The following THADA variants were observed in gnomAD, a reference collection of about 807,000 sequenced individuals.
The protein encoded by THADA is THADA armadillo repeat containing.
Under a neutral mutation model 219.8 loss-of-function variants are expected in THADA, and 213 were observed. The ratio of observed to expected loss-of-function variants is 0.97; its 90% CI spans 0.87 to 1.09. The LOEUF (loss-of-function observed/expected upper bound fraction) is 1.09. THADA is among the 50% of genes least tolerant of loss of function. The probability of loss-of-function intolerance (pLI) is 0.00; values close to 1 mark genes in which losing one functional copy is unlikely to be tolerated. For synonymous variants in THADA, 1,018 were observed against 828.9 expected, an observed-to-expected ratio of 1.23 and a Z score of -3.92; for missense variants, 2,956 against 2,311.3, an observed-to-expected ratio of 1.28 and a Z score of -5.72.
intron 29 of THADA, among the ~76,000 whole-genome samples, chr2:43,390,868 T>C (rs1022342103): frequency 8.5e-5 from 13 of 152,106 alleles, no homozygotes; most frequent in African/African-American, 3.1e-4. Context: ...TCAAATCCCA[T>C]TTTACCCACA....
At chr2:43,494,052 C>T (rs1017283735) in intron 25 of THADA, among the ~76,000 whole-genome samples, 1 of 152,168 alleles carries the variant, frequency 6.6e-6, no homozygotes, top group African/African-American at 2.4e-5. Flanking sequence ...CTGGTTCATC[C>T]AGCCACTTTC....
chr2:43,325,369 C>T (rs1446430054), intron 30 of THADA, among the ~76,000 whole-genome samples: 13 of 151,948 alleles, frequency 8.6e-5, no homozygotes, highest in African/African-American at 2.7e-4. Flanking sequence ...TAAGAGGCTA[C>T]TGAGAGCCAG....
rs141801800 is a variant in THADA at position 43,364,799 on chromosome 2, G to C, written c.4228-20562C>G. On this transcript the variant is annotated intron_variant, in intron 29 of 37. Transcript: ENST00000405975. ...TTAGAGGAAGGTCCATGGAGTTAGA[G>C]ATGAATGAAAGGAGGAAAGCAGCAT... is the stretch of plus-strand genomic sequence containing the variant. 8.0e-3 allele frequency among the ~76,000 whole-genome samples: 1,219 copies of C among 152,320 alleles called. 11 individuals carry two copies. Among genetic ancestry groups the C allele is most frequent in the Middle Eastern group, 0.02 (6 of 294 alleles).
intron 34 of THADA, among the ~76,000 whole-genome samples, chr2:43,287,962 C>T (rs1008214014): frequency 6.6e-6 from 1 of 152,176 alleles, no homozygotes; most frequent in Non-Finnish European, 1.5e-5. Flanking sequence ...ATGGTGGAAG[C>T]TGGAGCAAAC....
chr2:43,325,334 G>A (rs1679201743), intron 30 of THADA, among the ~76,000 whole-genome samples: 1 of 151,996 alleles, frequency 6.6e-6, no homozygotes, highest in Non-Finnish European at 1.5e-5. Flanking sequence ...TTTAACTGAG[G>A]CCTATTCATT....
intron 36 of THADA, among the ~76,000 whole-genome samples, chr2:43,250,802 G>A (rs1025616514): frequency 1.3e-5 from 2 of 152,170 alleles, no homozygotes; most frequent in Non-Finnish European, 2.9e-5. Flanking sequence ...GAGGACAATG[G>A]GTAATTCAAT....
At chr2:43,306,620 C>CT (rs1676894430) in intron 31 of THADA, among the ~76,000 whole-genome samples, 3 of 152,140 alleles carry the variant, frequency 2.0e-5, no homozygotes, top group Non-Finnish European at 1.5e-5. Context: ...TCTGTAGAGT[C>CT]TGAGACTGAA....
chr2:43,411,954 A>C (rs1179233833), intron 28 of THADA, among the ~76,000 whole-genome samples: 1 of 152,212 alleles, frequency 6.6e-6, no homozygotes, highest in South Asian at 2.1e-4. Context: ...ACATGTCAGT[A>C]AAGAATACTG....
chr2:43,259,107 G>A (rs1670661210), intron 36 of THADA, among the ~76,000 whole-genome samples: 1 of 152,168 alleles, frequency 6.6e-6, no homozygotes, highest in Non-Finnish European at 1.5e-5. Flanking sequence ...GTGACATGAT[G>A]GAGCCCATTT....
chr2:43,256,871 A>T (rs1231779513), intron 36 of THADA, among the ~76,000 whole-genome samples: 1 of 152,130 alleles, frequency 6.6e-6, no homozygotes, highest in East Asian at 1.9e-4. Flanking sequence ...GAGCCACTAC[A>T]CCTGGCCAAC....
At chr2:43,410,798 G>A (rs768977866) in intron 28 of THADA, among the ~76,000 whole-genome samples, 2 of 152,048 alleles carry the variant, frequency 1.3e-5, no homozygotes, top group Admixed American at 6.6e-5. Context: ...CAGTGATGAT[G>A]GTTTTATGGG....
In THADA at chr2:43,566,376, C is replaced by A. The variant is rs1224295577; in HGVS notation, c.2311+322G>T. The A allele has an allele frequency of 8.3e-6, 5 of 605,692 alleles. No homozygotes were observed. In the South Asian group the frequency reaches 8.8e-5, roughly 11 times the overall value. The allele number at this position is 605,692 out of a possible 1,614,324, so 37.5% of individuals were successfully genotyped here. A position where few individuals can be genotyped will look rare whatever the true frequency, so the allele number is the denominator to read the frequency against. ...GCTATTATTATTTCAAATTTTAAAA[C>A]TTAAAGAACAGATTGGATACTATCT... On this transcript the variant is annotated intron_variant, in intron 15 of 37. Coordinates refer to ENST00000405975, the MANE Select transcript of THADA (RefSeq NM_022065.5).
intron 23 of THADA, among the ~76,000 whole-genome samples, chr2:43,507,124 G>A (rs1016240287): frequency 9.2e-5 from 14 of 152,010 alleles, no homozygotes; most frequent in South Asian, 2.1e-4. Context: ...AGTAAGTCAC[G>A]CTAAGAGAAA....
Position 43,574,917 on chromosome 2 carries a change from T to C in THADA, c.1148A>G (p.Asn383Ser), listed in dbSNP as rs200284081. ...SSSPSLTDSLNGNSSIVGRLL... is the reference protein window; with the variant it reads ...SSSPSLTDSLSGNSSIVGRLL... The stretch of plus-strand genomic sequence containing the variant: ...TCTCCCAACTATACTTGAATTCCCA[T>C]TCAGGCTGTCCGTTAGGCTCGGGGA... Residue 383 changes from asparagine to serine, a missense_variant, in exon 11 of 38, where the codon AAT becomes AGT. Coordinates refer to ENST00000405975, the MANE Select transcript of THADA (RefSeq NM_022065.5). The C allele has an allele frequency of 8.1e-5, 130 of 1,614,026 alleles. No individual in the cohort carries two copies. In the African/African-American group the frequency reaches 1.5e-3, roughly 19 times the overall value.
At chr2:43,233,191 G>T in intron 36 of THADA, 1 of 300,310 alleles carries the variant, frequency 3.3e-6, no homozygotes. Context: ...TCACCAGAAG[G>T]ATCAGGAAGG....
intron 28 of THADA, among the ~76,000 whole-genome samples, chr2:43,426,424 C>T (rs1008160567): frequency 2.0e-5 from 3 of 152,202 alleles, no homozygotes; most frequent in African/African-American, 7.2e-5. Flanking sequence ...TGCCTTTCCT[C>T]CTTGCATCAA....
chr2:43,305,307 T>G (rs960632726), intron 31 of THADA, among the ~76,000 whole-genome samples: 1 of 152,144 alleles, frequency 6.6e-6, no homozygotes, highest in Non-Finnish European at 1.5e-5. Context: ...ACCCTCCCAG[T>G]AAACTGTAAT....
intron 22 of THADA, among the ~76,000 whole-genome samples, chr2:43,526,792 C>A (rs921917509): frequency 6.6e-6 from 1 of 152,248 alleles, no homozygotes. Context: ...TCTTTAATAA[C>A]AGGAACTTCA....
At chr2:43,523,015 T>C (rs938459987) in intron 22 of THADA, among the ~76,000 whole-genome samples, 1 of 152,024 alleles carries the variant, frequency 6.6e-6, no homozygotes, top group African/African-American at 2.4e-5. Flanking sequence ...ATAAAATTAA[T>C]AGGACACTCA....
Sources: gnomAD v4.1 joint callset for allele counts (sites outside exome capture counted in the v4.1 genomes callset) on GRCh38, gnomAD v4.1.1 for gene constraint, MANE v1.5 for transcripts, NCBI Gene and HGNC (gene_info 2026-07-23, HGNC 2026-07-21) for gene names.